CREB5: variants seen among roughly 807,000 people sequenced by gnomAD.
CREB5 encodes the protein cyclic AMP-responsive element-binding protein 5.
A neutral mutation model predicts 57.1 loss-of-function variants in CREB5; 19 were observed. That is an observed-to-expected ratio of 0.33 (90% CI 0.23 to 0.49). The LOEUF is 0.49. CREB5 is among the 20% of genes least tolerant of loss of function. The probability of loss-of-function intolerance (pLI) is 0.99; values close to 1 mark genes in which losing one functional copy is unlikely to be tolerated. For synonymous variants in CREB5, 238 were observed against 238.3 expected, an observed-to-expected ratio of 1.00 and a Z score of 0.01; for missense variants, 579 against 671.6, an observed-to-expected ratio of 0.86 and a Z score of 1.52.
intron 7 of CREB5, among the ~76,000 whole-genome samples, chr7:28,797,028 C>A (rs1034246018): frequency 1.3e-5 from 2 of 152,212 alleles, no homozygotes; most frequent in African/African-American, 4.8e-5. Flanking sequence ...AATGTGCATT[C>A]ATTAATTTCT....
At chr7:28,697,207 C>T (rs539947554) in intron 5 of CREB5, among the ~76,000 whole-genome samples, 1 of 152,166 alleles carries the variant, frequency 6.6e-6, no homozygotes, top group South Asian at 2.1e-4. Flanking sequence ...AAGCTGATTT[C>T]ACCAATTTCT....
chr7:28,315,462 G>A (rs922598096), intron 1 of CREB5, among the ~76,000 whole-genome samples: 1 of 152,196 alleles, frequency 6.6e-6, no homozygotes, highest in African/African-American at 2.4e-5. Flanking sequence ...GAGAACTCTG[G>A]ACAAGAAGAC....
chr7:28,711,062 G>A (rs1802376886), intron 5 of CREB5, among the ~76,000 whole-genome samples: 2 of 152,182 alleles, frequency 1.3e-5, no homozygotes, highest in African/African-American at 4.8e-5. Flanking sequence ...AGCAATGAGC[G>A]AGAGAGGTGG....
chr7:28,397,113 G>A (rs78129825), intron 1 of CREB5, among the ~76,000 whole-genome samples: 3,255 of 152,182 alleles, frequency 0.021, 123 homozygotes, highest in African/African-American at 0.074. Flanking sequence ...TTTTAAAGGC[G>A]CAGTGTAATG....
At chr7:28,652,125 A>T (rs973879946) in intron 5 of CREB5, among the ~76,000 whole-genome samples, 2 of 152,186 alleles carry the variant, frequency 1.3e-5, no homozygotes, top group Non-Finnish European at 2.9e-5. Context: ...AATAATTAAT[A>T]AAAAAATTTT....
At chr7:28,623,018 G>A (rs927943655) in intron 5 of CREB5, among the ~76,000 whole-genome samples, 2 of 152,090 alleles carry the variant, frequency 1.3e-5, no homozygotes, top group African/African-American at 4.8e-5. Context: ...GAGTAGCTGG[G>A]ATTACAGGCA....
At chr7:28,505,559 A>G (rs1452793957) in intron 3 of CREB5, among the ~76,000 whole-genome samples, 1 of 152,220 alleles carries the variant, frequency 6.6e-6, no homozygotes, top group Non-Finnish European at 1.5e-5. Context: ...TCTCAAATCT[A>G]GATTTCTGGG....
chr7:28,731,742 G>T (rs974402944), intron 7 of CREB5, among the ~76,000 whole-genome samples: 1 of 152,192 alleles, frequency 6.6e-6, no homozygotes, highest in Non-Finnish European at 1.5e-5. Flanking sequence ...CTGCAATTTG[G>T]TTATTGAAGC....
chr7:28,556,209 A>G (rs1191392800), intron 4 of CREB5, among the ~76,000 whole-genome samples: 1 of 152,196 alleles, frequency 6.6e-6, no homozygotes, highest in Non-Finnish European at 1.5e-5. Context: ...TTTATGGTAC[A>G]TAAACACCAG....
chr7:28,579,234 A>G (rs1172219691), intron 5 of CREB5, among the ~76,000 whole-genome samples: 2 of 152,222 alleles, frequency 1.3e-5, no homozygotes, highest in Non-Finnish European at 2.9e-5. Context: ...GTGTTTCCTT[A>G]TCATGGCTCA....
At chr7:28,579,440 T>C (rs190361317) in intron 5 of CREB5, among the ~76,000 whole-genome samples, 92 of 152,094 alleles carry the variant, frequency 6.0e-4, no homozygotes, top group Non-Finnish European at 1.1e-3. Flanking sequence ...GAATTTGGAG[T>C]TTTATAGTTT....
At position 28,677,573 on chromosome 7, in the gene CREB5, T is replaced by C. The variant is rs189781808; in HGVS notation, c.465-41180T>C. On this transcript the variant is annotated intron_variant, in intron 5 of 10. Transcript: ENST00000357727. ...ATACAAAGTGAGCATACTTTTTCTC[T>C]TGGGGGTTTTTAACCTGGGGTCCAT... Among the ~76,000 whole-genome samples the C allele has an allele frequency of 4.0e-4, 61 of 152,294 alleles. 2 individuals are homozygous for C. The East Asian group carries it at 7.3e-3, about 18-fold the overall frequency.
intron 5 of CREB5, among the ~76,000 whole-genome samples, chr7:28,670,170 C>T (rs538983306): frequency 9.2e-5 from 14 of 152,250 alleles, no homozygotes; most frequent in East Asian, 1.9e-4. Flanking sequence ...TTTTCCTATC[C>T]GTGCATACCT....
chr7:28,533,282 T>C (rs1182001596), intron 4 of CREB5, among the ~76,000 whole-genome samples: 1 of 152,190 alleles, frequency 6.6e-6, no homozygotes, highest in Admixed American at 6.5e-5. Flanking sequence ...GACCAGACTT[T>C]TTAAATCTAC....
At chr7:28,515,217 A>G (rs1311576637) in intron 4 of CREB5, among the ~76,000 whole-genome samples, 2 of 152,224 alleles carry the variant, frequency 1.3e-5, no homozygotes, top group Admixed American at 1.3e-4. Flanking sequence ...TCCATTGGAA[A>G]TGCAGAGAAA....
In CREB5 at chr7:28,412,927, AT is replaced by A; in HGVS notation, c.3+11del. The A allele has an allele frequency of 2.0e-6, 3 of 1,471,608 alleles. No homozygotes were observed. The highest frequency in any genetic ancestry group is 2.7e-6 in the Non-Finnish European group (3 of 1,106,118). 91.2% of individuals were successfully genotyped at this position (1,471,608 alleles called of 1,614,324 possible). On this transcript the variant is annotated intron_variant, in intron 1 of 10. Coordinates refer to ENST00000357727, the MANE Select transcript of CREB5 (RefSeq NM_182898.4). The stretch of plus-strand genomic sequence containing the variant: ...TATTCTACAGATAATGGTAAGGATG[AT>A]GTTTATTATGCATATTAAACAGAGA...
chr7:28,430,700 G>A (rs948675012), intron 1 of CREB5, among the ~76,000 whole-genome samples: 6 of 152,154 alleles, frequency 3.9e-5, no homozygotes, highest in Admixed American at 2.6e-4. Flanking sequence ...AAAATGTCAA[G>A]TATGTAACTT....
Position 28,739,019 on chromosome 7 carries a change from A to T in CREB5, c.702+14687A>T, listed in dbSNP as rs116021282. Among the ~76,000 whole-genome samples the T allele has an allele frequency of 5.5e-3, 839 of 152,332 alleles. 8 individuals carry two copies. Among genetic ancestry groups the T allele is most frequent in the African/African-American group, 0.019 (787 of 41,568 alleles). On this transcript the variant is annotated intron_variant, in intron 7 of 10. Coordinates refer to ENST00000357727, the MANE Select transcript of CREB5 (RefSeq NM_182898.4). Reference sequence around the variant, plus strand: ...TACAGTCCAATAAGAAAATCAGGTAAATAAATAGAAAACTAAGTATGTTGT... The same window carrying T: ...TACAGTCCAATAAGAAAATCAGGTATATAAATAGAAAACTAAGTATGTTGT...
chr7:28,524,316 AACACACACACACACACACAC>A (rs4000595), intron 4 of CREB5, among the ~76,000 whole-genome samples: 3 of 136,574 alleles, frequency 2.2e-5, no homozygotes, highest in Admixed American at 7.5e-5. Context: ...GCCTCTACTA[AACACACACACACACACACAC>A]ACACACACAC....
Sources: gnomAD v4.1 joint callset for allele counts (sites outside exome capture counted in the v4.1 genomes callset) on GRCh38, gnomAD v4.1.1 for gene constraint, MANE v1.5 for transcripts, NCBI Gene and HGNC (gene_info 2026-07-23, HGNC 2026-07-21) for gene names.